FGD5: variants seen among roughly 807,000 people sequenced by gnomAD.
FGD5 encodes FYVE, RhoGEF and PH domain-containing protein 5.
A neutral mutation model predicts 133.4 loss-of-function variants in FGD5; 28 were observed. The observed-to-expected ratio is 0.21, with a 90% CI of 0.16 to 0.29. The LOEUF is 0.29. FGD5 is among the 10% of genes least tolerant of loss of function. The pLI, the probability that FGD5 is intolerant of heterozygous loss-of-function variation, is 1.00. For synonymous variants in FGD5, 810 were observed against 776.5 expected, an observed-to-expected ratio of 1.04 and a Z score of -0.72; for missense variants, 1,858 against 1,895.2, an observed-to-expected ratio of 0.98 and a Z score of 0.36.
At chr3:14,823,711 T>G (rs2125071118) in intron 1 of FGD5, among the ~76,000 whole-genome samples, 1 of 152,324 alleles carries the variant, frequency 6.6e-6, no homozygotes, top group South Asian at 2.1e-4. Context: ...GGATGCCAGG[T>G]CTGGTTGTGC....
chr3:14,905,423 T>C (rs1003684398), intron 9 of FGD5, among the ~76,000 whole-genome samples: 2 of 152,164 alleles, frequency 1.3e-5, no homozygotes, highest in Non-Finnish European at 2.9e-5. Flanking sequence ...TGTGGTTTGT[T>C]GTCATTCACT....
intron 4 of FGD5, among the ~76,000 whole-genome samples, chr3:14,890,304 T>C (rs566349559): frequency 3.7e-4 from 56 of 152,316 alleles, no homozygotes; most frequent in South Asian, 1.7e-3. Context: ...CATCACAACA[T>C]AGGCTCCTGT....
chr3:14,907,319 C>T (rs986231831), intron 9 of FGD5, among the ~76,000 whole-genome samples: 5 of 152,306 alleles, frequency 3.3e-5, no homozygotes, highest in South Asian at 2.1e-4. Flanking sequence ...GCCTTGGGTC[C>T]GATGAAGTCC....
intron 13 of FGD5, among the ~76,000 whole-genome samples, chr3:14,919,404 G>A (rs2038627386): frequency 6.6e-6 from 1 of 152,156 alleles, no homozygotes; most frequent in African/African-American, 2.4e-5. Flanking sequence ...GGATCACAAG[G>A]TCACAAGATC....
At chr3:14,924,945 C>A (rs993951829) in intron 17 of FGD5, among the ~76,000 whole-genome samples, 1 of 151,734 alleles carries the variant, frequency 6.6e-6, no homozygotes, top group Non-Finnish European at 1.5e-5. Context: ...ACTAAAAATA[C>A]AAAAATCAGC....
At chr3:14,862,039 G>A (rs1179261299) in intron 1 of FGD5, among the ~76,000 whole-genome samples, 1 of 152,132 alleles carries the variant, frequency 6.6e-6, no homozygotes, top group Non-Finnish European at 1.5e-5. Flanking sequence ...AGAGATGCTA[G>A]ATGTATGGTT....
chr3:14,912,616 CTTA>C (rs560724173), intron 11 of FGD5, among the ~76,000 whole-genome samples: 110 of 152,338 alleles, frequency 7.2e-4, no homozygotes, highest in African/African-American at 2.1e-3. Context: ...CATTCTGCAG[CTTA>C]TTATCCATCT....
At position 14,819,660 on chromosome 3, in the gene FGD5, C is replaced by T. The variant is rs1288111962; in HGVS notation, c.589C>T (p.Pro197Ser). Reference sequence around the variant, plus strand: ...GGTCTTCCAGAGCGACCTCCTCCTGCCTCACATCCATGGAGAGGACCAGGA... The same window carrying T: ...GGTCTTCCAGAGCGACCTCCTCCTGTCTCACATCCATGGAGAGGACCAGGA... ...EGVFQSDLLLPHIHGEDQEPP... is the reference protein window; with the variant it reads ...EGVFQSDLLLSHIHGEDQEPP... Residue 197 changes from proline (P) to serine (S), a missense_variant, in exon 1 of 20, where the codon CCT (proline) becomes TCT (serine). Transcript: ENST00000285046. This position sits in a 1 kb window ranked among gnomAD's most constrained non-coding sequence, Gnocchi z 4.1. 1 of 1,548,112 alleles carries T rather than the reference C, an allele frequency of 6.5e-7. No individual in the cohort carries two copies. Among genetic ancestry groups the T allele is most frequent in the Admixed American group, 2.0e-5 (1 of 50,814 alleles).
At position 14,821,577 on chromosome 3, in the gene FGD5, G is replaced by A. The variant is rs777804245; in HGVS notation, c.2506G>A (p.Ala836Thr). 20 of 1,604,204 alleles carry A rather than the reference G, an allele frequency of 1.2e-5. No individual in the cohort carries two copies. Among genetic ancestry groups the A allele is most frequent in the South Asian group, 8.9e-5 (8 of 90,242 alleles). ...FNAFESKQQS[A>T]DQDAESAYTE... ...CGCCTTTGAGAGCAAACAGCAGAGT[G>A]CAGACCAGGACGCAGAAAGGTACCT... Residue 836 changes from alanine (A) to threonine (T), a missense_variant, in exon 1 of 20, where the codon GCA becomes ACA. Around this residue, in one of 3 missense-constraint regions of FGD5, gnomAD observed 1,824 missense variants for 1,848.9 expected, o/e 0.99. Transcript: ENST00000285046.
chr3:14,855,190 G>T (rs1278918921), intron 1 of FGD5, among the ~76,000 whole-genome samples: 1 of 152,112 alleles, frequency 6.6e-6, no homozygotes, highest in Non-Finnish European at 1.5e-5. Flanking sequence ...CAAATGACAG[G>T]ATTTCTTTCT....
At chr3:14,885,873 A>G (rs746596281) in intron 4 of FGD5, among the ~76,000 whole-genome samples, 2 of 152,218 alleles carry the variant, frequency 1.3e-5, no homozygotes, top group Non-Finnish European at 2.9e-5. Flanking sequence ...CTCACATTGT[A>G]TAAAGACCAT....
At chr3:14,853,635 CCTTT>C (rs1485907722) in intron 1 of FGD5, among the ~76,000 whole-genome samples, 1 of 74,030 alleles carries the variant, frequency 1.4e-5, no homozygotes, top group East Asian at 5.2e-4. Context: ...GAAAAGCGTT[CCTTT>C]TTTTTTTTTT....
chr3:14,862,940 G>A (rs294628), intron 1 of FGD5, among the ~76,000 whole-genome samples: 6,897 of 152,180 alleles, frequency 0.045, 250 homozygotes, highest in East Asian at 0.15. Context: ...GGGTACCTGC[G>A]GTTCTGGCTC....
At position 14,922,723 on chromosome 3, in the gene FGD5, A is replaced by C. The variant is rs1333496020; in HGVS notation, c.3807+175A>C. On this transcript the variant is annotated intron_variant, in intron 15 of 19. Coordinates refer to ENST00000285046, the MANE Select transcript of FGD5 (RefSeq NM_152536.4). This position sits in a 1 kb window ranked among gnomAD's most constrained non-coding sequence, Gnocchi z 4.1. Reference sequence around the variant, plus strand: ...CTAATTCCCATTTTATAGATCATCAAACCAGAGCTCCAAGTCCCAGGCCTC... The same window carrying C: ...CTAATTCCCATTTTATAGATCATCACACCAGAGCTCCAAGTCCCAGGCCTC... Among the ~76,000 whole-genome samples the C allele has an allele frequency of 6.6e-6, 1 of 152,188 alleles. No homozygotes were observed. Among genetic ancestry groups the C allele is most frequent in the Non-Finnish European group, 1.5e-5 (1 of 68,034 alleles).
chr3:14,880,896 C>T, intron 4 of FGD5, 124 bp downstream of exon 4: 3 of 1,241,360 alleles, frequency 2.4e-6, no homozygotes, highest in Non-Finnish European at 2.3e-6. Flanking sequence ...AGCAGGCAGG[C>T]ACTCACCGAC....
At chr3:14,855,682 A>T (rs572921819) in intron 1 of FGD5, among the ~76,000 whole-genome samples, 1 of 151,578 alleles carries the variant, frequency 6.6e-6, no homozygotes, top group Admixed American at 6.6e-5. Context: ...TATTCATATC[A>T]TTTACCCATC....
chr3:14,811,484 T>C (rs73814113), intron 1 of FGD5: 7,111 of 152,482 alleles, frequency 0.047, 555 homozygotes, highest in African/African-American at 0.16. Context: ...AGCGCCCTGG[T>C]CGGGGGCCTC....
chr3:14,864,269 C>A lies in FGD5; in HGVS notation c.2658+9C>A, dbSNP rs764828673. On this transcript the variant is annotated intron_variant, in intron 2 of 19. Transcript: ENST00000285046. ...CCAGTGTCACCCACAAGGTAGGGCACCCCACAGGTAGGCCGTGGGCATCGG... is the reference window on the plus strand; with the variant it reads ...CCAGTGTCACCCACAAGGTAGGGCAACCCACAGGTAGGCCGTGGGCATCGG... 3.1e-6 allele frequency: 5 copies of A among 1,613,866 alleles called. No homozygotes were observed. The South Asian group carries it at 4.4e-5, about 14-fold the overall frequency.
At position 14,864,253 on chromosome 3, in the gene FGD5, C is replaced by A; in HGVS notation, c.2651C>A (p.Thr884Asn). ...AGTGCTTCAAGAGACCCCAGTGTCA[C>A]CCACAAGGTAGGGCACCCCACAGGT... ...EDSASRDPSV[T>N]HKVEGQSRAL... is the part of the protein sequence containing the mutation. Residue 884 changes from threonine (T) to asparagine (N), a missense_variant, in exon 2 of 20, where the codon ACC (threonine) becomes AAC (asparagine). Coordinates refer to ENST00000285046, the MANE Select transcript of FGD5 (RefSeq NM_152536.4). 6.2e-7 allele frequency: 1 copy of A among 1,613,934 alleles called. No homozygotes were observed. Among genetic ancestry groups the A allele is most frequent in the South Asian group, 1.1e-5 (1 of 91,076 alleles).
Sources: gnomAD v4.1 joint callset for allele counts (sites outside exome capture counted in the v4.1 genomes callset) on GRCh38, gnomAD v4.1.1 for gene constraint, gnomAD v4.1.1 regional missense constraint, Gnocchi (gnomAD v3.1) non-coding constraint, MANE v1.5 for transcripts, NCBI Gene and HGNC (gene_info 2026-07-23, HGNC 2026-07-21) for gene names.